The following ABHD17C variants were observed in gnomAD, a reference collection of about 807,000 sequenced individuals.
ABHD17C encodes the protein abhydrolase domain containing 17C, depalmitoylase.
In ABHD17C, 11 loss-of-function variants were observed where a neutral mutation model predicts 27.9. That is an observed-to-expected ratio of 0.39 (90% CI 0.25 to 0.65). The LOEUF is 0.65. Ranked by LOEUF, ABHD17C falls within the 30% of genes least tolerant of loss-of-function variation. The pLI is 0.45. For synonymous variants in ABHD17C, 233 were observed against 209.1 expected, an observed-to-expected ratio of 1.11 and a Z score of -0.98; for missense variants, 280 against 470.2, an observed-to-expected ratio of 0.60 and a Z score of 3.74.
intron 1 of ABHD17C, among the ~76,000 whole-genome samples, chr15:80,724,590 A>C (rs980063952): frequency 1.3e-5 from 2 of 152,196 alleles, no homozygotes; most frequent in Non-Finnish European, 1.5e-5. Flanking sequence ...TAAGGCTGAA[A>C]AAATATAAAA....
At chr15:80,706,362 CG>C (rs1894648834) in intron 1 of ABHD17C, among the ~76,000 whole-genome samples, 1 of 152,186 alleles carries the variant, frequency 6.6e-6, no homozygotes, top group Non-Finnish European at 1.5e-5. Context: ...GGATAGTTAA[CG>C]GTTGTACGTC....
chr15:80,700,413 T>G (rs923882497), intron 1 of ABHD17C, among the ~76,000 whole-genome samples: 3 of 152,160 alleles, frequency 2.0e-5, no homozygotes, highest in Admixed American at 2.0e-4. Context: ...CTTTGATGCT[T>G]CTTTTTGATG....
chr15:80,738,433 C>T (rs1895163472), intron 1 of ABHD17C, among the ~76,000 whole-genome samples: 1 of 152,062 alleles, frequency 6.6e-6, no homozygotes, highest in African/African-American at 2.4e-5. Context: ...TGGAGATGTT[C>T]ATCATTGGGC....
chr15:80,710,996 G>A (rs1198184021), intron 1 of ABHD17C, among the ~76,000 whole-genome samples: 2 of 152,164 alleles, frequency 1.3e-5, no homozygotes, highest in African/African-American at 2.4e-5. Flanking sequence ...GAGATGTAGA[G>A]TAAGCAATAG....
At chr15:80,703,219 T>C (rs1341674638) in intron 1 of ABHD17C, 1 of 152,188 alleles carries the variant, frequency 6.6e-6, no homozygotes, top group Non-Finnish European at 1.5e-5. Flanking sequence ...CCCTCTTTGA[T>C]AAAGAAGCTT....
intron 1 of ABHD17C, among the ~76,000 whole-genome samples, chr15:80,743,228 T>A (rs1229309078): frequency 2.0e-5 from 3 of 152,104 alleles, no homozygotes; most frequent in African/African-American, 7.2e-5. Context: ...AGAACCAACA[T>A]GTCTTCAACA....
At chr15:80,697,948 G>A (rs1309600267) in intron 1 of ABHD17C, among the ~76,000 whole-genome samples, 1 of 151,758 alleles carries the variant, frequency 6.6e-6, no homozygotes, top group Non-Finnish European at 1.5e-5. Flanking sequence ...CACATTTTAC[G>A]TTTTGATCAA....
intron 1 of ABHD17C, chr15:80,705,042 A>G (rs1015154062): frequency 1.3e-5 from 2 of 152,354 alleles, no homozygotes; most frequent in Non-Finnish European, 2.9e-5. Flanking sequence ...TGGTGTGGAC[A>G]TAATTCTGAA....
intron 1 of ABHD17C, among the ~76,000 whole-genome samples, chr15:80,699,288 T>G (rs564975908): frequency 1.5e-3 from 227 of 152,326 alleles, no homozygotes; most frequent in African/African-American, 5.0e-3. Flanking sequence ...TGGTATTTGT[T>G]GAACGAATTG....
intron 1 of ABHD17C, among the ~76,000 whole-genome samples, chr15:80,728,246 G>A (rs1895009278): frequency 6.6e-6 from 1 of 152,204 alleles, no homozygotes; most frequent in South Asian, 2.1e-4. Flanking sequence ...GTTAAGGAGA[G>A]TGACTGTATG....
chr15:80,705,236 A>G (rs564661173), intron 1 of ABHD17C: 1 of 152,016 alleles, frequency 6.6e-6, no homozygotes, highest in Non-Finnish European at 1.5e-5. Context: ...TTACAACCGG[A>G]ACTGATTCTG....
intron 1 of ABHD17C, among the ~76,000 whole-genome samples, chr15:80,708,505 A>G (rs996125398): frequency 6.6e-6 from 1 of 152,130 alleles, no homozygotes; most frequent in South Asian, 2.1e-4. Flanking sequence ...TAGTAGAGAC[A>G]GTGTTTTCGC....
At chr15:80,736,001 T>TGTGA in intron 1 of ABHD17C, among the ~76,000 whole-genome samples, 1 of 152,372 alleles carries the variant, frequency 6.6e-6, no homozygotes, top group South Asian at 2.1e-4. Flanking sequence ...ATACCTGGAC[T>TGTGA]GTGCCCAGGT....
At chr15:80,711,370 G>T (rs1309306065) in intron 1 of ABHD17C, among the ~76,000 whole-genome samples, 2 of 152,120 alleles carry the variant, frequency 1.3e-5, no homozygotes, top group African/African-American at 4.8e-5. Flanking sequence ...GAGAGTGATC[G>T]CTCATTTCCC....
At chr15:80,713,421 GGGAACTCCA>G (rs1308910499) in intron 1 of ABHD17C, among the ~76,000 whole-genome samples, 2 of 127,202 alleles carry the variant, frequency 1.6e-5, no homozygotes, top group Non-Finnish European at 1.5e-5. Flanking sequence ...AAGAAAGATA[GGGAACTCCA>G]GGAGTGTGTC....
chr15:80,732,370 T>C (rs1453526898), intron 1 of ABHD17C, among the ~76,000 whole-genome samples: 1 of 152,252 alleles, frequency 6.6e-6, no homozygotes, highest in Non-Finnish European at 1.5e-5. Context: ...TATCCCAGAC[T>C]CTGATAGGCT....
chr15:80,708,345 T>G (rs2141493825), intron 1 of ABHD17C, among the ~76,000 whole-genome samples: 1 of 152,314 alleles, frequency 6.6e-6, no homozygotes, highest in East Asian at 1.9e-4. Flanking sequence ...AGACAGAGTC[T>G]TGCTCTGTCG....
chr15:80,714,605 G>A (rs887034441), intron 1 of ABHD17C, among the ~76,000 whole-genome samples: 1 of 152,154 alleles, frequency 6.6e-6, no homozygotes, highest in Admixed American at 6.5e-5. Context: ...CAAGACGTAC[G>A]CTAGGGGTGC....
At position 80,711,338 on chromosome 15, in the gene ABHD17C, C is replaced by G. The variant is rs146379057; in HGVS notation, c.590+15319C>G. Among the ~76,000 whole-genome samples the G allele has an allele frequency of 7.2e-4, 110 of 152,284 alleles. 1 individual carries two copies. Among genetic ancestry groups the G allele is most frequent in the African/African-American group, 2.3e-3 (96 of 41,562 alleles). On this transcript the variant is annotated intron_variant, in intron 1 of 2. Transcript: ENST00000258884. ...TGACATCAGCTTGTGGGTTGTGGCT[C>G]TTTGGTCACTTTCTGTGGCTGGAGA... is the stretch of plus-strand genomic sequence containing the variant.
Sources: allele counts gnomAD v4.1 joint callset (sites outside exome capture counted in the v4.1 genomes callset), GRCh38; gene constraint gnomAD v4.1.1; transcripts MANE v1.5; gene names NCBI Gene and HGNC (gene_info 2026-07-23, HGNC 2026-07-21).